Variants in HAUS6 observed in about 807,000 individuals in gnomAD.
HAUS6 encodes HAUS augmin-like complex subunit 6.
HAUS6 carries 80 observed loss-of-function variants against 106.8 expected under a neutral mutation model. That is an observed-to-expected ratio of 0.75 (90% CI 0.63 to 0.90). The LOEUF (loss-of-function observed/expected upper bound fraction) is 0.90. Among genes scored for constraint, HAUS6 ranks in the 40% least tolerant of loss-of-function variants. The pLI is 0.00. For synonymous variants in HAUS6, 356 were observed against 379.1 expected (o/e 0.94, Z 0.71); for missense variants, 1,155 against 1,118.1 (o/e 1.03, Z -0.47).
At chr9:19,089,915 C>CTTG (rs1227549201) in intron 4 of HAUS6, among the ~76,000 whole-genome samples, 1 of 152,108 alleles carries the variant, frequency 6.6e-6, no homozygotes, top group Non-Finnish European at 1.5e-5. Context: ...TCACTGCAGC[C>CTTG]TCAACCTTCC....
chr9:19,099,116 G>A (rs1336730315), intron 1 of HAUS6, among the ~76,000 whole-genome samples: 5 of 149,786 alleles, frequency 3.3e-5, no homozygotes, highest in Admixed American at 6.7e-5. Context: ...GAACGTATAC[G>A]TATAAAATGT....
intron 1 of HAUS6, among the ~76,000 whole-genome samples, chr9:19,101,828 G>A (rs1817994790): frequency 6.6e-6 from 1 of 152,184 alleles, no homozygotes; most frequent in Non-Finnish European, 1.5e-5. Context: ...GCTGAGGCAG[G>A]AGAATCGCTT....
chr9:19,089,453 T>C lies in HAUS6; in HGVS notation c.543A>G (p.Gln181=). The C allele has an allele frequency of 8.1e-6, 13 of 1,612,174 alleles. No homozygotes were observed. Among genetic ancestry groups the C allele is most frequent in the Non-Finnish European group, 1.1e-5 (13 of 1,178,226 alleles). Residue 181 remains glutamine (Q), a synonymous_variant, in exon 5 of 17, where the codon CAA becomes CAG. Coordinates refer to ENST00000380502, the MANE Select transcript of HAUS6 (RefSeq NM_017645.5). ...FARSRFLQIL[Q]RQDCVTQKYQ... is the part of the protein sequence containing the mutation. The stretch of plus-strand genomic sequence containing the variant: ...ATTTTTGGGTAACACAATCTTGTCT[T>C]TGCAAAATTTGTAAAAATCTGCTAC...
intron 12 of HAUS6, among the ~76,000 whole-genome samples, chr9:19,064,269 G>C (rs982748335): frequency 6.6e-6 from 1 of 151,904 alleles, no homozygotes; most frequent in East Asian, 1.9e-4. Flanking sequence ...ACCTGGCCCA[G>C]CAGACTTATT....
chr9:19,097,407 A>C (rs903901154), intron 1 of HAUS6, among the ~76,000 whole-genome samples: 6 of 152,170 alleles, frequency 3.9e-5, no homozygotes, highest in African/African-American at 1.4e-4. Context: ...TTACAAGAAA[A>C]AAACAAACAA....
intron 7 of HAUS6, among the ~76,000 whole-genome samples, chr9:19,083,768 C>A (rs1263278712): frequency 6.7e-6 from 1 of 148,716 alleles, no homozygotes; most frequent in Non-Finnish European, 1.5e-5. Context: ...CGCCACTGCA[C>A]TCCAGCCTAG....
intron 1 of HAUS6, among the ~76,000 whole-genome samples, chr9:19,099,236 G>A (rs1205133804): frequency 4.0e-5 from 6 of 148,178 alleles, no homozygotes; most frequent in Admixed American, 6.8e-5. Flanking sequence ...GCGCGATCTC[G>A]GCTCACTGCA....
In HAUS6 at chr9:19,089,512, A is replaced by G; in HGVS notation, c.484T>C (p.Leu162=). The part of the protein sequence containing the change: ...VETFNIKPQD[L]HKCIARCHFA... ...TGGCATCTGGCAATGCATTTGTGCAAGTCCTGTGGTTTTATGTTAAATGTC... is the reference window on the plus strand; with the variant it reads ...TGGCATCTGGCAATGCATTTGTGCAGGTCCTGTGGTTTTATGTTAAATGTC... The change falls in exon 5 of 17, where the codon TTG becomes CTG. Residue 162 remains leucine (L), a synonymous_variant. Transcript: ENST00000380502. 1.2e-6 allele frequency: 2 copies of G among 1,610,870 alleles called. No homozygotes were observed. Among genetic ancestry groups the G allele is most frequent in the Non-Finnish European group, 8.5e-7 (1 of 1,177,030 alleles).
At chr9:19,093,694 C>T (rs1817802796) in intron 3 of HAUS6, among the ~76,000 whole-genome samples, 1 of 152,006 alleles carries the variant, frequency 6.6e-6, no homozygotes, top group African/African-American at 2.4e-5. Context: ...CATGGTGAAA[C>T]CCCGTCTCTA....
intron 12 of HAUS6, among the ~76,000 whole-genome samples, chr9:19,069,762 A>G (rs1836848242): frequency 6.6e-6 from 1 of 152,152 alleles, no homozygotes. Flanking sequence ...AAACTGGTTT[A>G]AGATGGGAAT....
At chr9:19,069,487 G>A (rs12342972) in intron 12 of HAUS6, among the ~76,000 whole-genome samples, 29,753 of 151,404 alleles carry the variant, frequency 0.2, 4,526 homozygotes, top group African/African-American at 0.43. Context: ...TCAGGAGTTC[G>A]AGACCAGCCT....
chr9:19,089,115 C>T (rs552115111), intron 5 of HAUS6, among the ~76,000 whole-genome samples: 90 of 152,116 alleles, frequency 5.9e-4, no homozygotes, highest in African/African-American at 2.0e-3. Context: ...TGGTGGCCTG[C>T]GCCAATAATC....
At chr9:19,093,431 T>C (rs974514156) in intron 3 of HAUS6, 128 bp from the exon 4 acceptor site, 2 of 824,350 alleles carry the variant, frequency 2.4e-6, no homozygotes, top group East Asian at 5.3e-5. Flanking sequence ...ATAAGTACTA[T>C]GCTATAGGTT....
chr9:19,058,703 A>C lies in HAUS6; in HGVS notation c.2064T>G (p.Asn688Lys). 1 of 1,613,654 alleles carries C rather than the reference A, an allele frequency of 6.2e-7. No homozygotes were observed. Among genetic ancestry groups the C allele is most frequent in the African/African-American group, 1.3e-5 (1 of 74,972 alleles). Reference sequence around the variant, plus strand: ...AATCTTGCTTGCAAATTACTTTCTTATTTAACAAATCTGACTGATTTTGTG... The same window carrying C: ...AATCTTGCTTGCAAATTACTTTCTTCTTTAACAAATCTGACTGATTTTGTG... ...PPTQNQSDLL[N>K]KKVICKQDLE... The change falls in exon 16 of 17, where the codon AAT becomes AAG. Residue 688 changes from asparagine to lysine, a missense_variant. Physicochemically the swap from Asn to Lys is moderately conservative, Grantham distance 94 (BLOSUM62 0). Around this residue, in one of 3 missense-constraint regions of HAUS6, gnomAD observed 380 missense variants for 394.8 expected, o/e 0.96. Coordinates refer to ENST00000380502, the MANE Select transcript of HAUS6 (RefSeq NM_017645.5).
Position 19,082,906 on chromosome 9 carries a change from G to C in HAUS6, c.837C>G (p.Leu279=). 1 of 1,518,492 alleles carries C rather than the reference G, an allele frequency of 6.6e-7. No individual in the cohort carries two copies. The highest frequency in any genetic ancestry group is 8.8e-7 in the Non-Finnish European group (1 of 1,134,898). The allele number at this position is 1,518,492 out of a possible 1,614,324, so 94.1% of individuals were successfully genotyped here. Residue 279 remains leucine (L), a synonymous_variant, in exon 8 of 17, where the codon CTC becomes CTG. Coordinates refer to ENST00000380502, the MANE Select transcript of HAUS6 (RefSeq NM_017645.5). ...TTTGTTTCTCAATTTTGTCAAGTAA[G>C]AGCCTTGGAATATTAATAGCAACAT... The part of the protein sequence containing the change: ...GTNVAINIPR[L]LLDKIEKQMF...
chr9:19,101,693 A>G (rs577578518), intron 1 of HAUS6, among the ~76,000 whole-genome samples: 25 of 152,148 alleles, frequency 1.6e-4, no homozygotes, highest in Non-Finnish European at 3.5e-4. Context: ...AGGCCGAGGC[A>G]GGTGGATCAT....
chr9:19,062,364 T>C (rs1408772010), intron 14 of HAUS6, among the ~76,000 whole-genome samples: 6 of 152,240 alleles, frequency 3.9e-5, no homozygotes, highest in Admixed American at 6.5e-5. Flanking sequence ...TATTTTAATA[T>C]AGTATAAACA....
At chr9:19,089,369 C>A (rs1224293194) in intron 5 of HAUS6, 43 bp downstream of exon 5, 16 of 1,329,600 alleles carry the variant, frequency 1.2e-5, no homozygotes, top group Non-Finnish European at 1.6e-5. Context: ...GACATCTGTT[C>A]AAAAGAAAGA....
rs1836411400 is a variant in HAUS6 at position 19,053,843 on chromosome 9, ATATG to A, written c.*2496_*2499del. On this transcript the variant is annotated 3_prime_UTR_variant, in exon 17 of 17. Coordinates refer to ENST00000380502, the MANE Select transcript of HAUS6 (RefSeq NM_017645.5). ...TAAAGATGACACATGGCCTTGGGGT[ATATG>A]TATGTGTGTGAATACATACTCCCAA... The A allele has an allele frequency of 6.6e-6, 1 of 152,132 alleles. No individual in the cohort carries two copies. The highest frequency in any genetic ancestry group is 2.4e-5 in the African/African-American group (1 of 41,418). 9.4% of individuals were successfully genotyped at this position (152,132 alleles called of 1,614,324 possible).
Sources: allele counts gnomAD v4.1 joint callset (sites outside exome capture counted in the v4.1 genomes callset), GRCh38; gene constraint gnomAD v4.1.1; regional missense constraint gnomAD v4.1.1; transcripts MANE v1.5; gene names NCBI Gene and HGNC (gene_info 2026-07-23, HGNC 2026-07-21).